The following MUC13 variants were observed in gnomAD, a reference collection of about 807,000 sequenced individuals.
The protein encoded by MUC13 is mucin 13, cell surface associated.
Under a neutral mutation model 48.3 loss-of-function variants are expected in MUC13, and 32 were observed. That is an observed-to-expected ratio of 0.66 (90% CI 0.50 to 0.89). The LOEUF (loss-of-function observed/expected upper bound fraction) is 0.89, where lower values mean the gene tolerates loss of function less well. Among genes scored for constraint, MUC13 ranks in the 40% least tolerant of loss-of-function variants. The pLI, the probability that MUC13 is intolerant of heterozygous loss-of-function variation, is 0.00. For synonymous variants in MUC13, 199 were observed against 224.9 expected, an observed-to-expected ratio of 0.88 and a Z score of 1.03; for missense variants, 571 against 622.8, an observed-to-expected ratio of 0.92 and a Z score of 0.88.
intron 1 of MUC13, 89 bp from the exon 2 acceptor site, chr3:124,928,082 CTTT>C (rs56396479): frequency 1.2e-3 from 830 of 714,174 alleles, no homozygotes; most frequent in South Asian, 1.6e-3. Flanking sequence ...CCAACTCATT[CTTT>C]TTTTTTTTTT....
intron 5 of MUC13, among the ~76,000 whole-genome samples, chr3:124,919,707 AAATAGCACCCAGCACTTG>A (rs1417260714): frequency 6.6e-6 from 1 of 152,066 alleles, no homozygotes; most frequent in Non-Finnish European, 1.5e-5. Flanking sequence ...TTGTTTCCCT[AAATAGCACCCAGCACTTG>A]CCATTACATA....
intron 2 of MUC13, among the ~76,000 whole-genome samples, chr3:124,924,942 T>C (rs1008480399): frequency 1.3e-5 from 2 of 152,168 alleles, no homozygotes; most frequent in Non-Finnish European, 2.9e-5. Flanking sequence ...AAAATAAACA[T>C]ACTCTTACGA....
intron 9 of MUC13, 87 bp downstream of exon 9, chr3:124,912,017 A>T: frequency 6.6e-7 from 1 of 1,522,512 alleles, no homozygotes; most frequent in Non-Finnish European, 8.9e-7. Context: ...GAGACTTTGA[A>T]GGACTGGGCA....
At chr3:124,907,272 G>T (rs1290085795) in intron 11 of MUC13, among the ~76,000 whole-genome samples, 1 of 152,162 alleles carries the variant, frequency 6.6e-6, no homozygotes, top group Non-Finnish European at 1.5e-5. Flanking sequence ...CTCCCAAAGT[G>T]CTAGGAGTAT....
intron 2 of MUC13, among the ~76,000 whole-genome samples, chr3:124,923,998 T>C (rs1935648417): frequency 6.6e-6 from 1 of 152,170 alleles, no homozygotes; most frequent in Admixed American, 6.5e-5. Context: ...CATGGTCCTC[T>C]AACACTAGGT....
At position 124,913,812 on chromosome 3, in the gene MUC13, C is replaced by T. The variant is rs1020497117; in HGVS notation, c.965-131G>A. The T allele has an allele frequency of 1.3e-5, 12 of 956,338 alleles. No homozygotes were observed. In the African/African-American group the frequency reaches 1.5e-4, roughly 12 times the overall value. 59.2% of individuals were successfully genotyped at this position (956,338 alleles called of 1,614,324 possible). On this transcript the variant is annotated intron_variant, in intron 6 of 11. Transcript: ENST00000616727. ...AGTTTTGGGGCCAAGTGCAGTGGCT[C>T]ACAACTGTAATCCCAGCACTTTAGA...
chr3:124,916,970 AG>A (rs764337570), intron 5 of MUC13, among the ~76,000 whole-genome samples: 3 of 152,148 alleles, frequency 2.0e-5, no homozygotes, highest in Non-Finnish European at 4.4e-5. Context: ...AGAAAGGACC[AG>A]GAAGTCAGCA....
rs145854836 is a variant in MUC13 at position 124,927,566 on chromosome 3, G to A, written c.480C>T (p.Thr160=). 2.0e-5 allele frequency: 32 copies of A among 1,614,192 alleles called. No individual in the cohort carries two copies. The East Asian group carries it at 2.2e-4, about 11-fold the overall frequency. ...TTAGGGTGCTGGTCTCCAATAAAGC[G>A]GTGCCAGTGGGAGGCCCTGATGATT... The part of the protein sequence containing the change: ...DNQSSGPPTG[T]ALLETSTLNS... Residue 160 remains threonine, a synonymous_variant, in exon 2 of 12, where the codon ACC becomes ACT. Coordinates refer to ENST00000616727, the MANE Select transcript of MUC13 (RefSeq NM_033049.4).
chr3:124,916,575 C>T, intron 5 of MUC13, 95 bp from the exon 6 acceptor site: 1 of 1,323,084 alleles, frequency 7.6e-7, no homozygotes, highest in Non-Finnish European at 1.1e-6. Flanking sequence ...CGGCCCTAGT[C>T]CTGACCCGCT....
chr3:124,922,331 C>A (rs967418595), intron 3 of MUC13, 28 bp from the exon 4 acceptor site: 2 of 1,602,716 alleles, frequency 1.2e-6, no homozygotes, highest in African/African-American at 1.3e-5. Context: ...TCTTTCTGTA[C>A]TATTTGATGA....
At position 124,922,223 on chromosome 3, in the gene MUC13, C is replaced by T. The variant is rs1157730165; in HGVS notation, c.718G>A (p.Asp240Asn). ...AAGCTAGTAATTTCACTATGCAAGT[C>T]TTGATAGGCCATGGAATGTTTCTCT... ...PEEKHSMAYQ[D>N]LHSEITSLFK... Residue 240 changes from aspartate (D) to asparagine (N), a missense_variant, in exon 4 of 12, where the codon GAC becomes AAC. Asp to Asn is a conservative substitution (Grantham distance 23). Coordinates refer to ENST00000616727, the MANE Select transcript of MUC13 (RefSeq NM_033049.4). 1 of 1,614,092 alleles carries T rather than the reference C, an allele frequency of 6.2e-7. No individual in the cohort carries two copies. Among genetic ancestry groups the T allele is most frequent in the Non-Finnish European group, 8.5e-7 (1 of 1,180,000 alleles).
rs1935459324 is a variant in MUC13 at position 124,913,476 on chromosome 3, G to A, written c.1084+86C>T. On this transcript the variant is annotated intron_variant, in intron 7 of 11. Transcript: ENST00000616727. Reference sequence around the variant, plus strand: ...ATCACTCGGACTCTGAAATGCATGTGGAAACTAAAGGAGTGAATTTTTTAT... The same window carrying A: ...ATCACTCGGACTCTGAAATGCATGTAGAAACTAAAGGAGTGAATTTTTTAT... The A allele has an allele frequency of 8.8e-6, 14 of 1,593,436 alleles. No individual in the cohort carries two copies. The Admixed American group carries it at 1.7e-4, about 19-fold the overall frequency.
In MUC13 at chr3:124,927,621, T is replaced by C. The variant is rs373872442; in HGVS notation, c.425A>G (p.Asn142Ser). 18 of 1,614,130 alleles carry C rather than the reference T, an allele frequency of 1.1e-5. No homozygotes were observed. The highest frequency in any genetic ancestry group is 1.7e-5 in the Admixed American group (1 of 60,010). The change falls in exon 2 of 12, where the codon AAT becomes AGT. Residue 142 changes from asparagine (N) to serine (S), a missense_variant. Transcript: ENST00000616727. ...GTCTTCTGTGGTGGGGGACATTTCA[T>C]TGTTACTTTGTGTTTCAGAAGGAAC... is the stretch of plus-strand genomic sequence containing the variant. ...TMVPSETQSN[N>S]EMSPTTEDNQ...
At position 124,927,511 on chromosome 3, in the gene MUC13, C is replaced by A. The variant is rs370433811; in HGVS notation, c.514+21G>T. 5 of 1,607,124 alleles carry A rather than the reference C, an allele frequency of 3.1e-6. No individual in the cohort carries two copies. In the African/African-American group the frequency reaches 5.4e-5, roughly 17 times the overall value. The stretch of plus-strand genomic sequence containing the variant: ...ATTGTACTCTCCATCCTTGGGGAGT[C>A]TTTGAGGGAATTGTCCTTACCTGTG... On this transcript the variant is annotated intron_variant, in intron 2 of 11. Transcript: ENST00000616727.
At chr3:124,918,643 G>T (rs184870204) in intron 5 of MUC13, among the ~76,000 whole-genome samples, 83 of 152,318 alleles carry the variant, frequency 5.4e-4, no homozygotes, top group African/African-American at 1.9e-3. Flanking sequence ...GTTCCGAGAG[G>T]TTAGAACACC....
At chr3:124,920,374 A>G (rs1935574177) in intron 4 of MUC13, 85 bp from the exon 5 acceptor site, 1 of 1,051,174 alleles carries the variant, frequency 9.5e-7, no homozygotes, top group Non-Finnish European at 1.4e-6. Flanking sequence ...GAAAAAAATA[A>G]TGCTCTATCT....
chr3:124,920,363 A>T (rs558834425), intron 4 of MUC13, 74 bp from the exon 5 acceptor site: 40 of 1,168,526 alleles, frequency 3.4e-5, no homozygotes, highest in Non-Finnish European at 4.7e-5. Flanking sequence ...CAAATGAGGC[A>T]GAAAAAAATA....
At chr3:124,907,657 TAGAGAGAGAGAG>T (rs71800171) in intron 11 of MUC13, among the ~76,000 whole-genome samples, 2 of 143,834 alleles carry the variant, frequency 1.4e-5, no homozygotes, top group East Asian at 4.2e-4. Flanking sequence ...TATATATATA[TAGAGAGAGAGAG>T]AGAGAGAGAG....
chr3:124,931,607 G>A (rs1285426011), intron 1 of MUC13, among the ~76,000 whole-genome samples: 1 of 151,798 alleles, frequency 6.6e-6, no homozygotes, highest in South Asian at 2.1e-4. Flanking sequence ...AATTAGCTGG[G>A]CGTGGTGGCA....
Sources: allele counts gnomAD v4.1 joint callset (sites outside exome capture counted in the v4.1 genomes callset), GRCh38; gene constraint gnomAD v4.1.1; transcripts MANE v1.5; gene names NCBI Gene and HGNC (gene_info 2026-07-23, HGNC 2026-07-21).